The following CHEK2 variants were observed in gnomAD, a reference collection of about 807,000 sequenced individuals.
CHEK2 encodes the protein checkpoint kinase 2.
In CHEK2, 71 loss-of-function variants were observed where a neutral mutation model predicts 69.1. That is an observed-to-expected ratio of 1.03 (90% CI 0.85 to 1.25). The LOEUF (loss-of-function observed/expected upper bound fraction) is 1.25. CHEK2 is among the 50% of genes most tolerant of loss of function. The pLI, the probability that CHEK2 is intolerant of heterozygous loss-of-function variation, is 0.00. For missense variants in CHEK2, 664 were observed against 649.6 expected (o/e 1.02, Z -0.24); for synonymous variants, 189 against 226.9 (o/e 0.83, Z 1.50).
chr22:28,692,136 G>A (rs563703526), intron 13 of CHEK2, among the ~76,000 whole-genome samples: 2 of 152,294 alleles, frequency 1.3e-5, no homozygotes, highest in Admixed American at 6.5e-5. Flanking sequence ...GATAGGCTAT[G>A]CTTGCTCATA....
At chr22:28,688,728 C>T (rs1214731253) in intron 14 of CHEK2, among the ~76,000 whole-genome samples, 1 of 142,886 alleles carries the variant, frequency 7.0e-6, no homozygotes, top group Non-Finnish European at 1.5e-5. Flanking sequence ...CATTCAACAA[C>T]AACAACAACA....
At chr22:28,699,751 T>C in intron 9 of CHEK2, 87 bp downstream of exon 9, 1 of 944,106 alleles carries the variant, frequency 1.1e-6, no homozygotes, top group Non-Finnish European at 1.8e-6. Context: ...TGAGTTTTAA[T>C]CCACGGTCCC....
rs754266496 is a variant in CHEK2, at chr22:28,703,473, A to C, written c.908+32T>G. 1 of 1,148,602 alleles carries C rather than the reference A, an allele frequency of 8.7e-7. No individual in the cohort carries two copies. The highest frequency in any genetic ancestry group is 1.3e-6 in the Non-Finnish European group (1 of 777,618). 71.2% of individuals were successfully genotyped at this position (1,148,602 alleles called of 1,614,324 possible). A position where few individuals can be genotyped will look rare whatever the true frequency, so the allele number is the denominator to read the frequency against. On this transcript the variant is annotated intron_variant, in intron 8 of 14. Transcript: ENST00000404276. ...GTGGCTTTATAAAGCATTTGAATGG[A>C]AACAGAAATTTTTAAAAAGTTTACT...
intron 1 of CHEK2, among the ~76,000 whole-genome samples, chr22:28,736,679 C>A (rs2054416342): frequency 6.6e-6 from 1 of 152,142 alleles, no homozygotes; most frequent in South Asian, 2.1e-4. Flanking sequence ...GTGGCTCATA[C>A]CTGTAATCCC....
intron 4 of CHEK2, chr22:28,724,569 C>CTT: frequency 3.7e-6 from 1 of 273,282 alleles, no homozygotes; most frequent in South Asian, 4.2e-5. Context: ...ACTTACTCAT[C>CTT]TTTTTTTTTG....
chr22:28,725,768 G>A (rs17884342), intron 2 of CHEK2, among the ~76,000 whole-genome samples: 1 of 152,094 alleles, frequency 6.6e-6, no homozygotes, highest in Non-Finnish European at 1.5e-5. Flanking sequence ...AATCAGCAGG[G>A]TGTGGTGGTG....
In CHEK2 at chr22:28,701,742, C is replaced by T. The variant is rs191816783; in HGVS notation, c.908+1763G>A. Among the ~76,000 whole-genome samples, 8 of 152,206 alleles carry T rather than the reference C, an allele frequency of 5.3e-5. No homozygotes were observed. The East Asian group carries it at 1.5e-3, about 29-fold the overall frequency. On this transcript the variant is annotated intron_variant, in intron 8 of 14. Coordinates refer to ENST00000404276, the MANE Select transcript of CHEK2 (RefSeq NM_007194.4). ...TAAACTACCAAGACACTGAAAGATA[C>T]TCAGGTGCCACCATGCAACCTGGTC...
intron 7 of CHEK2, among the ~76,000 whole-genome samples, chr22:28,709,181 T>C (rs1033053391): frequency 1.3e-5 from 2 of 152,116 alleles, no homozygotes; most frequent in Admixed American, 1.3e-4. Flanking sequence ...GAGACACATT[T>C]TTCATTGAGA....
At chr22:28,700,576 C>T (rs2052803292) in intron 8 of CHEK2, among the ~76,000 whole-genome samples, 1 of 152,068 alleles carries the variant, frequency 6.6e-6, no homozygotes, top group Admixed American at 6.6e-5. Context: ...GAAGAGCAAA[C>T]AGAATTTTAC....
At chr22:28,725,197 G>A (rs2146064594) in intron 3 of CHEK2, 46 bp downstream of exon 3, 4 of 1,613,772 alleles carry the variant, frequency 2.5e-6, no homozygotes, top group Non-Finnish European at 2.5e-6. Flanking sequence ...TAAAAACAAT[G>A]ACCAAATTAC....
At chr22:28,705,867 C>T (rs192331647) in intron 7 of CHEK2, among the ~76,000 whole-genome samples, 32 of 151,816 alleles carry the variant, frequency 2.1e-4, no homozygotes, top group South Asian at 1.3e-3. Context: ...CGCTTGAACC[C>T]GGGAGGCAGA....
rs5997390 is a variant in CHEK2, at chr22:28,739,555, G to A, written c.-7+2214C>T. Reference sequence around the variant, plus strand: ...AATATGAAAATTAGCTGGGCATGGTGGCAGGCGTCTATAATCCCAGCTACT... The same window carrying A: ...AATATGAAAATTAGCTGGGCATGGTAGCAGGCGTCTATAATCCCAGCTACT... On this transcript the variant is annotated intron_variant, in intron 1 of 14. Coordinates refer to ENST00000404276, the MANE Select transcript of CHEK2 (RefSeq NM_007194.4). 0.084 allele frequency among the ~76,000 whole-genome samples: 12,751 copies of A among 152,048 alleles called. 574 individuals are homozygous for A. The highest frequency in any genetic ancestry group is 0.11 in the South Asian group (543 of 4,826).
At chr22:28,709,061 CT>C (rs2053288553) in intron 7 of CHEK2, 1 of 292,832 alleles carries the variant, frequency 3.4e-6, no homozygotes, top group Non-Finnish European at 6.9e-6. Flanking sequence ...GCCTAATGAG[CT>C]TATGCCTTCA....
intron 6 of CHEK2, among the ~76,000 whole-genome samples, chr22:28,711,692 T>G (rs2053396586): frequency 6.6e-6 from 1 of 152,158 alleles, no homozygotes; most frequent in Non-Finnish European, 1.5e-5. Context: ...CTCATTATTA[T>G]GTACAATTAA....
chr22:28,721,323 G>A (rs1037857440), intron 4 of CHEK2, among the ~76,000 whole-genome samples: 1 of 103,990 alleles, frequency 9.6e-6, no homozygotes, highest in Non-Finnish European at 1.7e-5. Flanking sequence ...TCTCGCTCTT[G>A]TACCCCAGGC....
chr22:28,710,031 A>C lies in CHEK2; in HGVS notation c.821T>G (p.Ile274Arg). Residue 274 changes from isoleucine to arginine, a missense_variant, in exon 7 of 15, where the codon ATA becomes AGA. Physicochemically the swap from Ile to Arg is moderately conservative, Grantham distance 97. Transcript: ENST00000404276. The stretch of plus-strand genomic sequence containing the variant: ...ATGATTTAGCTTTTTCAAAATTTCT[A>C]TTTCTGTTTCAACATTGAGAGCTGG... ...ADPALNVETEIEILKKLNHPC... is the reference protein window; with the variant it reads ...ADPALNVETEREILKKLNHPC... 1.3e-6 allele frequency: 2 copies of C among 1,556,180 alleles called. No individual in the cohort carries two copies. The highest frequency in any genetic ancestry group is 1.8e-6 in the Non-Finnish European group (2 of 1,129,512).
chr22:28,716,653 A>G (rs143950187), intron 5 of CHEK2, among the ~76,000 whole-genome samples: 16 of 152,330 alleles, frequency 1.1e-4, no homozygotes, highest in African/African-American at 3.6e-4. Flanking sequence ...AATATGGATG[A>G]TTATTTCCTT....
At chr22:28,736,130 G>T (rs767294975) in intron 1 of CHEK2, among the ~76,000 whole-genome samples, 1 of 152,106 alleles carries the variant, frequency 6.6e-6, no homozygotes, top group Admixed American at 6.6e-5. Flanking sequence ...AAACTATGAC[G>T]TTTGGTATCT....
chr22:28,729,075 G>T (rs1400013036), intron 2 of CHEK2, among the ~76,000 whole-genome samples: 2 of 152,068 alleles, frequency 1.3e-5, no homozygotes, highest in Non-Finnish European at 2.9e-5. Context: ...GAAGAAATTC[G>T]GAACGGAACA....
Sources: allele counts gnomAD v4.1 joint callset (sites outside exome capture counted in the v4.1 genomes callset), GRCh38; gene constraint gnomAD v4.1.1; transcripts MANE v1.5; gene names NCBI Gene and HGNC (gene_info 2026-07-23, HGNC 2026-07-21).